Variants in ELOVL6 observed in about 807,000 individuals in gnomAD.
The protein encoded by ELOVL6 is very long chain fatty acid elongase 6.
Under a neutral mutation model 31.7 loss-of-function variants are expected in ELOVL6, and 8 were observed. That is an observed-to-expected ratio of 0.25 (90% CI 0.15 to 0.45). ELOVL6 has a LOEUF of 0.45. ELOVL6 is among the 20% of genes least tolerant of loss of function. ELOVL6 has a pLI of 1.00. For synonymous variants in ELOVL6, 101 were observed against 117.7 expected, an observed-to-expected ratio of 0.86 and a Z score of 0.92; for missense variants, 126 against 326.4, an observed-to-expected ratio of 0.39 and a Z score of 4.73.
chr4:110,186,681 G>C (rs1433818529), intron 1 of ELOVL6, among the ~76,000 whole-genome samples: 1 of 150,956 alleles, frequency 6.6e-6, no homozygotes, highest in Non-Finnish European at 1.5e-5. Context: ...GCACGTGCCT[G>C]TAAGTCCAGC....
intron 2 of ELOVL6, among the ~76,000 whole-genome samples, chr4:110,064,096 A>G (rs1301315753): frequency 1.4e-5 from 2 of 147,336 alleles, no homozygotes; most frequent in African/African-American, 5.3e-5. Context: ...AAAAAAAAAG[A>G]AAGAAAGAAA....
chr4:110,082,694 T>C (rs1332416948), intron 2 of ELOVL6, among the ~76,000 whole-genome samples: 1 of 152,056 alleles, frequency 6.6e-6, no homozygotes, highest in East Asian at 1.9e-4. Flanking sequence ...TGTATACATA[T>C]GTAACAAACC....
intron 2 of ELOVL6, 138 bp downstream of exon 2, chr4:110,105,359 T>C (rs954735526): frequency 4.4e-6 from 4 of 918,996 alleles, no homozygotes; most frequent in African/African-American, 1.7e-5. Context: ...GCTTTCTTTC[T>C]GAACATGACT....
chr4:110,089,991 T>G (rs575369778), intron 2 of ELOVL6, among the ~76,000 whole-genome samples: 1 of 152,340 alleles, frequency 6.6e-6, no homozygotes, highest in African/African-American at 2.4e-5. Context: ...GGTTTATTCC[T>G]GGGATTCTAT....
chr4:110,106,738 G>C (rs940606671), intron 1 of ELOVL6, among the ~76,000 whole-genome samples: 12 of 151,824 alleles, frequency 7.9e-5, no homozygotes, highest in African/African-American at 2.9e-4. Flanking sequence ...CTGTGACTAA[G>C]AATTCCTTAC....
intron 3 of ELOVL6, among the ~76,000 whole-genome samples, chr4:110,053,141 C>A (rs1377603828): frequency 6.6e-6 from 1 of 152,168 alleles, no homozygotes; most frequent in Non-Finnish European, 1.5e-5. Flanking sequence ...TCTTGAACTC[C>A]TGAGCTCAAG....
chr4:110,156,538 T>C (rs907365318), intron 1 of ELOVL6, among the ~76,000 whole-genome samples: 35 of 151,908 alleles, frequency 2.3e-4, no homozygotes, highest in Non-Finnish European at 5.0e-4. Flanking sequence ...ATTAAAAAAT[T>C]AGCCAGGCAT....
intron 2 of ELOVL6, among the ~76,000 whole-genome samples, chr4:110,079,834 C>T (rs966136483): frequency 1.4e-4 from 22 of 151,838 alleles, no homozygotes; most frequent in East Asian, 3.9e-4. Context: ...CAAAATTGAC[C>T]GACCACTAGC....
chr4:110,170,382 A>C (rs1758908791), intron 1 of ELOVL6, among the ~76,000 whole-genome samples: 1 of 152,246 alleles, frequency 6.6e-6, no homozygotes, highest in African/African-American at 2.4e-5. Flanking sequence ...AAGAATTCAT[A>C]CTTATTTAGC....
At chr4:110,108,740 T>C (rs564144419) in intron 1 of ELOVL6, among the ~76,000 whole-genome samples, 3 of 152,290 alleles carry the variant, frequency 2.0e-5, no homozygotes, top group African/African-American at 7.2e-5. Flanking sequence ...CACAAAATAA[T>C]TGTATAAGCT....
At chr4:110,122,746 T>C (rs1757389596) in intron 1 of ELOVL6, among the ~76,000 whole-genome samples, 1 of 152,184 alleles carries the variant, frequency 6.6e-6, no homozygotes, top group South Asian at 2.1e-4. Flanking sequence ...GTCATAACTT[T>C]CCCCTGTGAC....
At chr4:110,148,687 T>C (rs1459491335) in intron 1 of ELOVL6, among the ~76,000 whole-genome samples, 2 of 152,206 alleles carry the variant, frequency 1.3e-5, no homozygotes, top group African/African-American at 2.4e-5. Flanking sequence ...GGATACACCA[T>C]TTTCCATGAA....
intron 2 of ELOVL6, among the ~76,000 whole-genome samples, chr4:110,098,578 C>T (rs770221663): frequency 1.2e-4 from 18 of 152,108 alleles, no homozygotes; most frequent in Non-Finnish European, 2.2e-4. Context: ...CTTCCCTTCC[C>T]CTAAACAGAG....
chr4:110,077,339 C>A (rs1009163518), intron 2 of ELOVL6, among the ~76,000 whole-genome samples: 3 of 152,206 alleles, frequency 2.0e-5, no homozygotes, highest in Non-Finnish European at 2.9e-5. Flanking sequence ...AGGCACCCCC[C>A]AGTAGGGACA....
intron 1 of ELOVL6, among the ~76,000 whole-genome samples, chr4:110,110,681 C>T (rs1393809620): frequency 6.6e-6 from 1 of 152,082 alleles, no homozygotes; most frequent in Admixed American, 6.5e-5. Context: ...CAGATGTAAG[C>T]CACCACACCT....
intron 2 of ELOVL6, among the ~76,000 whole-genome samples, chr4:110,084,200 G>T (rs868512619): frequency 6.0e-5 from 4 of 66,288 alleles, no homozygotes; most frequent in Non-Finnish European, 8.2e-5. Flanking sequence ...TAACTTATAT[G>T]ATATATATAA....
At chr4:110,145,754 A>T (rs981359419) in intron 1 of ELOVL6, among the ~76,000 whole-genome samples, 4 of 152,180 alleles carry the variant, frequency 2.6e-5, no homozygotes, top group African/African-American at 9.6e-5. Context: ...TCACTCCTAG[A>T]AATATTGTGA....
Position 110,178,657 on chromosome 4 carries a change from C to A in ELOVL6, c.89+19590G>T, listed in dbSNP as rs181163808. Among the ~76,000 whole-genome samples the A allele has an allele frequency of 5.3e-5, 8 of 151,994 alleles. No homozygotes were observed. In the East Asian group the frequency reaches 1.6e-3, roughly 29 times the overall value. ...CTGCTTAAGCTCAGAAACTTGAGAG[C>A]AACCTGGGCAACATAGTGAGACCTC... On this transcript the variant is annotated intron_variant, in intron 1 of 3. Transcript: ENST00000302274.
intron 3 of ELOVL6, among the ~76,000 whole-genome samples, chr4:110,058,501 G>T (rs1188770169): frequency 6.6e-6 from 1 of 152,100 alleles, no homozygotes; most frequent in African/African-American, 2.4e-5. Flanking sequence ...AAGGTGGCTG[G>T]GTTGCCGGCC....
Sources: gnomAD v4.1 joint callset for allele counts (sites outside exome capture counted in the v4.1 genomes callset) on GRCh38, gnomAD v4.1.1 for gene constraint, MANE v1.5 for transcripts, NCBI Gene and HGNC (gene_info 2026-07-23, HGNC 2026-07-21) for gene names.